The following CHN2 variants were observed in gnomAD, a reference collection of about 807,000 sequenced individuals.
CHN2 encodes beta-chimaerin.
CHN2 carries 35 observed loss-of-function variants against 56.3 expected under a neutral mutation model. The ratio of observed to expected loss-of-function variants is 0.62; its 90% CI spans 0.47 to 0.82. The LOEUF is 0.82. Among genes scored for constraint, CHN2 ranks in the 40% least tolerant of loss-of-function variants. The pLI is 0.00. For synonymous variants in CHN2, 210 were observed against 212.8 expected (o/e 0.99, Z 0.12); for missense variants, 491 against 580.5 (o/e 0.85, Z 1.58).
intron 1 of CHN2, among the ~76,000 whole-genome samples, chr7:29,352,361 G>GTGTT (rs754621975): frequency 1.3e-5 from 2 of 150,282 alleles, no homozygotes; most frequent in Admixed American, 6.6e-5. Flanking sequence ...GTGTGTGTGT[G>GTGTT]TGTGTGTATG....
intron 6 of CHN2, among the ~76,000 whole-genome samples, chr7:29,454,571 G>A (rs1784621030): frequency 6.6e-6 from 1 of 152,164 alleles, no homozygotes; most frequent in Non-Finnish European, 1.5e-5. Context: ...AGATGTCAGT[G>A]GCAAAGCATC....
intron 1 of CHN2, among the ~76,000 whole-genome samples, chr7:29,226,023 G>T (rs1032690202): frequency 6.6e-6 from 1 of 152,136 alleles, no homozygotes; most frequent in Non-Finnish European, 1.5e-5. Context: ...GTACAAGAAT[G>T]AATTTTGAAT....
chr7:29,218,230 TC>T (rs910803391), intron 1 of CHN2, among the ~76,000 whole-genome samples: 5 of 151,698 alleles, frequency 3.3e-5, no homozygotes, highest in African/African-American at 1.2e-4. Context: ...TGACTCTCTT[TC>T]CTTCTTACCT....
At chr7:29,462,139 T>A (rs1292984156) in intron 6 of CHN2, among the ~76,000 whole-genome samples, 2 of 152,224 alleles carry the variant, frequency 1.3e-5, no homozygotes, top group Non-Finnish European at 2.9e-5. Flanking sequence ...TAAAACTTAG[T>A]GTCATATATA....
chr7:29,359,706 A>G (rs973419771), intron 2 of CHN2, among the ~76,000 whole-genome samples: 18 of 152,248 alleles, frequency 1.2e-4, no homozygotes, highest in African/African-American at 4.1e-4. Flanking sequence ...TTTGGTTTCA[A>G]TGCTCTAAAA....
intron 6 of CHN2, chr7:29,401,262 C>G (rs561712736): frequency 6.5e-6 from 1 of 152,928 alleles, no homozygotes; most frequent in Non-Finnish European, 1.4e-5. Flanking sequence ...AGCGAGACTC[C>G]GTCTCAAAAA....
intron 2 of CHN2, among the ~76,000 whole-genome samples, chr7:29,358,511 G>A (rs920902724): frequency 2.6e-5 from 4 of 151,734 alleles, no homozygotes; most frequent in Non-Finnish European, 5.9e-5. Context: ...CACCCAGGCC[G>A]GACTGCGGTG....
chr7:29,366,278 C>T (rs755805011), intron 2 of CHN2, among the ~76,000 whole-genome samples: 3 of 152,094 alleles, frequency 2.0e-5, no homozygotes, highest in Non-Finnish European at 4.4e-5. Context: ...AGGAGATTCC[C>T]TAGGGAGAAG....
intron 6 of CHN2, among the ~76,000 whole-genome samples, chr7:29,437,590 T>C (rs947471896): frequency 1.5e-5 from 1 of 67,118 alleles, no homozygotes; most frequent in Non-Finnish European, 2.8e-5. Flanking sequence ...AGAGCGAGAC[T>C]CCGTCTCAAA....
At chr7:29,228,055 A>C (rs538766583) in intron 1 of CHN2, among the ~76,000 whole-genome samples, 3 of 152,120 alleles carry the variant, frequency 2.0e-5, no homozygotes, top group Admixed American at 2.0e-4. Flanking sequence ...TCTAAACATG[A>C]TATCAAGTTA....
rs150533858 is a variant in CHN2 at position 29,205,781 on chromosome 7, T to C, written c.49+10791T>C. 3.0e-3 allele frequency among the ~76,000 whole-genome samples: 450 copies of C among 152,312 alleles called. 1 individual carries two copies. The highest frequency in any genetic ancestry group is 5.0e-3 in the African/African-American group (207 of 41,574). On this transcript the variant is annotated intron_variant, in intron 1 of 12. Transcript: ENST00000222792. ...AGTCAATCCAAGGAACACCACTGTT[T>C]ATACTTTCCCATCTAGAGGAATGGT... is the stretch of plus-strand genomic sequence containing the variant.
At chr7:29,179,643 TA>T (rs1797816285) in intron 2 of CHN2, among the ~76,000 whole-genome samples, 1 of 152,258 alleles carries the variant, frequency 6.6e-6, no homozygotes. Flanking sequence ...TATATGTAAA[TA>T]AATATTCTCC....
intron 1 of CHN2, among the ~76,000 whole-genome samples, chr7:29,239,817 C>T (rs564161006): frequency 1.3e-5 from 2 of 152,246 alleles, no homozygotes; most frequent in South Asian, 4.2e-4. Flanking sequence ...TGGGCAACTG[C>T]AGAGCACATG....
chr7:29,512,666 C>T lies in CHN2; in HGVS notation c.1338C>T (p.Thr446=), dbSNP rs1370228395. 1 of 1,614,128 alleles carries T rather than the reference C, an allele frequency of 6.2e-7. No individual in the cohort carries two copies. ...MRPPEDSTLT[T]LHDMRYQKLI... is the part of the protein sequence containing the mutation. ...CCCCTGAGGACAGCACCCTGACCAC[C>T]CTGCATGATATGCGGTACCAAAAGC... Residue 446 remains threonine (T), a synonymous_variant, in exon 13 of 13, where the codon ACC becomes ACT. Transcript: ENST00000222792.
intron 2 of CHN2, among the ~76,000 whole-genome samples, chr7:29,152,145 G>C (rs945514457): frequency 6.6e-6 from 1 of 152,218 alleles, no homozygotes; most frequent in South Asian, 2.1e-4. Flanking sequence ...AGAACTTCAA[G>C]AACTAGGTCA....
chr7:29,398,508 G>T, intron 5 of CHN2, 22 bp downstream of exon 5: 1 of 1,469,452 alleles, frequency 6.8e-7, no homozygotes. Context: ...TTCATTCCTT[G>T]TTTTCATTGC....
intron 1 of CHN2, among the ~76,000 whole-genome samples, chr7:29,274,860 T>C (rs1347878109): frequency 6.6e-6 from 1 of 152,116 alleles, no homozygotes; most frequent in Admixed American, 6.5e-5. Context: ...AAGGATGGTG[T>C]CTGTAGATTC....
At chr7:29,253,906 A>G (rs1788844405) in intron 1 of CHN2, among the ~76,000 whole-genome samples, 1 of 149,704 alleles carries the variant, frequency 6.7e-6, no homozygotes, top group Non-Finnish European at 1.5e-5. Flanking sequence ...AAATGTAGCT[A>G]TTTTTTTTTT....
intron 2 of CHN2, among the ~76,000 whole-genome samples, chr7:29,150,987 A>G (rs1207705506): frequency 6.6e-6 from 1 of 152,210 alleles, no homozygotes; most frequent in Non-Finnish European, 1.5e-5. Context: ...CAGCTGAAGA[A>G]AGTCTACAGC....
Sources: allele counts gnomAD v4.1 joint callset (sites outside exome capture counted in the v4.1 genomes callset), GRCh38; gene constraint gnomAD v4.1.1; transcripts MANE v1.5; gene names NCBI Gene and HGNC (gene_info 2026-07-23, HGNC 2026-07-21).